The following OTUD7A variants were observed in gnomAD, a reference collection of about 807,000 sequenced individuals.
OTUD7A encodes OTU deubiquitinase 7A, also known as OTU domain-containing protein 7A.
A neutral mutation model predicts 65.7 loss-of-function variants in OTUD7A; 12 were observed. The ratio of observed to expected loss-of-function variants is 0.18; its 90% CI spans 0.12 to 0.30. The LOEUF (loss-of-function observed/expected upper bound fraction) is 0.30, where lower values mean the gene tolerates loss of function less well. OTUD7A is among the 10% of genes least tolerant of loss of function. The probability of loss-of-function intolerance (pLI) is 1.00; values close to 1 mark genes in which losing one functional copy is unlikely to be tolerated. For missense variants in OTUD7A, 1,148 were observed against 1,304.8 expected (o/e 0.88, Z 1.85); for synonymous variants, 641 against 586.3 (o/e 1.09, Z -1.35).
At chr15:31,636,773 C>T (rs1891354488) in intron 3 of OTUD7A, among the ~76,000 whole-genome samples, 1 of 152,108 alleles carries the variant, frequency 6.6e-6, no homozygotes, top group Non-Finnish European at 1.5e-5. Context: ...ATTGCCGATA[C>T]GGAGAAAGTT....
chr15:31,487,598 GC>G lies in OTUD7A; in HGVS notation c.1172-33del. 1.9e-6 allele frequency: 3 copies of G among 1,576,472 alleles called. No homozygotes were observed. The highest frequency in any genetic ancestry group is 2.3e-5 in the South Asian group (2 of 88,106). ...CAGAAGAGACAGAGCCGTGCTTGGAGCCCCGGCAGTCCCCAGGCAGGATGGC... is the reference window on the plus strand; with the variant it reads ...CAGAAGAGACAGAGCCGTGCTTGGAGCCCGGCAGTCCCCAGGCAGGATGGC... On this transcript the variant is annotated intron_variant, in intron 10 of 12. Transcript: ENST00000307050. This position sits in a 1 kb window ranked among gnomAD's most constrained non-coding sequence, Gnocchi z 6.0.
chr15:31,569,916 G>A (rs938393050), intron 4 of OTUD7A, 102 bp downstream of exon 4: 61 of 1,265,792 alleles, frequency 4.8e-5, no homozygotes, highest in Non-Finnish European at 6.2e-5. Context: ...GTCTGCATCC[G>A]GGAGGTGATG....
chr15:31,770,327 G>A (rs958344202), intron 1 of OTUD7A, among the ~76,000 whole-genome samples: 4 of 152,112 alleles, frequency 2.6e-5, no homozygotes, highest in Non-Finnish European at 4.4e-5. Context: ...ATATTAAGTG[G>A]ACAAATTCTT....
intron 3 of OTUD7A, among the ~76,000 whole-genome samples, chr15:31,618,017 G>C (rs1257894475): frequency 1.3e-5 from 2 of 151,364 alleles, no homozygotes; most frequent in East Asian, 3.9e-4. Context: ...CTATGAGTGA[G>C]AACATGCGGT....
At position 31,632,056 on chromosome 15, in the gene OTUD7A, A is replaced by G. The variant is rs113332661; in HGVS notation, c.151+23040T>C. Reference sequence around the variant, plus strand: ...TGAATTTCCTCCTGTATCTCAGAGTAGTTTGATCGTCTGAAGCCTTCTTCT... The same window carrying G: ...TGAATTTCCTCCTGTATCTCAGAGTGGTTTGATCGTCTGAAGCCTTCTTCT... On this transcript the variant is annotated intron_variant, in intron 3 of 12. Transcript: ENST00000307050. 9.1e-3 allele frequency among the ~76,000 whole-genome samples: 1,391 copies of G among 152,058 alleles called. 32 individuals are homozygous for G. Among genetic ancestry groups the G allele is most frequent in the African/African-American group, 0.032 (1,339 of 41,490 alleles).
At chr15:31,532,917 G>A (rs1372731778) in intron 5 of OTUD7A, among the ~76,000 whole-genome samples, 1 of 135,096 alleles carries the variant, frequency 7.4e-6, no homozygotes, top group Non-Finnish European at 1.5e-5. Flanking sequence ...CTGGGTGAAA[G>A]AGCGAGACTC....
chr15:31,548,121 T>C (rs1024488706), intron 5 of OTUD7A, among the ~76,000 whole-genome samples: 2 of 149,366 alleles, frequency 1.3e-5, no homozygotes, highest in Non-Finnish European at 3.0e-5. Flanking sequence ...TGACAGGACT[T>C]GGGGATCAGT....
In OTUD7A at chr15:31,483,632, C is replaced by T; in HGVS notation, c.2464G>A (p.Ala822Thr). 1 of 1,180,084 alleles carries T rather than the reference C, an allele frequency of 8.5e-7. No individual in the cohort carries two copies. The highest frequency in any genetic ancestry group is 1.0e-6 in the Non-Finnish European group (1 of 957,544). 73.1% of individuals were successfully genotyped at this position (1,180,084 alleles called of 1,614,324 possible). A position where few individuals can be genotyped will look rare whatever the true frequency, so the allele number is the denominator to read the frequency against. Residue 822 changes from alanine to threonine, a missense_variant, in exon 13 of 13, where the codon GCC (alanine) becomes ACC (threonine). Coordinates refer to ENST00000307050, the MANE Select transcript of OTUD7A (RefSeq NM_001382637.1). Reference sequence around the variant, plus strand: ...ACCGTGTTGACGGTGCGCAGGGCGGCGGCGCGCGCCGGGCTGTAGCTCTGC... The same window carrying T: ...ACCGTGTTGACGGTGCGCAGGGCGGTGGCGCGCGCCGGGCTGTAGCTCTGC... ...SSQSYSPARA[A>T]ALRTVNTVES...
intron 1 of OTUD7A, among the ~76,000 whole-genome samples, chr15:31,719,068 T>C (rs978522064): frequency 9.2e-5 from 14 of 152,156 alleles, no homozygotes; most frequent in Non-Finnish European, 1.3e-4. Context: ...TTCACATTCA[T>C]GAAAGTTCTG....
chr15:31,661,764 C>T (rs1449323053), intron 1 of OTUD7A, among the ~76,000 whole-genome samples: 2 of 152,154 alleles, frequency 1.3e-5, no homozygotes, highest in Non-Finnish European at 2.9e-5. Context: ...TGCAAATTTC[C>T]AATGATATCA....
chr15:31,697,774 G>A (rs1378699161), intron 1 of OTUD7A, among the ~76,000 whole-genome samples: 2 of 152,202 alleles, frequency 1.3e-5, no homozygotes, highest in Non-Finnish European at 2.9e-5. Context: ...AACCTGCCCA[G>A]GGTCACACAA....
At chr15:31,570,759 G>A (rs1889027021) in intron 3 of OTUD7A, among the ~76,000 whole-genome samples, 1 of 152,148 alleles carries the variant, frequency 6.6e-6, no homozygotes, top group South Asian at 2.1e-4. Flanking sequence ...GGCTGGGCAG[G>A]TGTGCCCAGC....
chr15:31,870,118 G>T (rs911030207), intron 1 of OTUD7A, among the ~76,000 whole-genome samples: 6 of 149,928 alleles, frequency 4.0e-5, no homozygotes, highest in Non-Finnish European at 8.9e-5. Flanking sequence ...GCGCGCGCAC[G>T]GACCGAGGGG....
intron 1 of OTUD7A, among the ~76,000 whole-genome samples, chr15:31,820,635 T>C (rs1345296864): frequency 6.6e-6 from 1 of 152,196 alleles, no homozygotes; most frequent in Non-Finnish European, 1.5e-5. Context: ...GCCCCACCAT[T>C]TTCTGGTAGC....
chr15:31,522,942 C>T (rs2041957742), intron 8 of OTUD7A, among the ~76,000 whole-genome samples: 1 of 152,254 alleles, frequency 6.6e-6, no homozygotes, highest in African/African-American at 2.4e-5. Context: ...TGTCTCCATA[C>T]CAGGGGCTCC....
At chr15:31,740,783 T>C (rs1374726556) in intron 1 of OTUD7A, among the ~76,000 whole-genome samples, 2 of 152,194 alleles carry the variant, frequency 1.3e-5, no homozygotes, top group Non-Finnish European at 2.9e-5. Flanking sequence ...TTCAACTATA[T>C]GCTGTTTATA....
At chr15:31,578,849 C>A (rs1889286139) in intron 3 of OTUD7A, among the ~76,000 whole-genome samples, 1 of 152,174 alleles carries the variant, frequency 6.6e-6, no homozygotes, top group South Asian at 2.1e-4. Context: ...CTGTGCCTGG[C>A]CCCAGTGTAC....
intron 1 of OTUD7A, among the ~76,000 whole-genome samples, chr15:31,861,917 T>C (rs1406017040): frequency 6.6e-6 from 1 of 152,186 alleles, no homozygotes; most frequent in Non-Finnish European, 1.5e-5. Flanking sequence ...TCCTTCACCA[T>C]GGCAGTCAAC....
At chr15:31,609,256 A>G (rs1394668225) in intron 3 of OTUD7A, among the ~76,000 whole-genome samples, 3 of 152,210 alleles carry the variant, frequency 2.0e-5, no homozygotes, top group Non-Finnish European at 4.4e-5. Flanking sequence ...TCTGACGTGT[A>G]GCCTCCACAG....
Sources: allele counts gnomAD v4.1 joint callset (sites outside exome capture counted in the v4.1 genomes callset), GRCh38; gene constraint gnomAD v4.1.1; non-coding constraint Gnocchi (gnomAD v3.1); transcripts MANE v1.5; gene names NCBI Gene and HGNC (gene_info 2026-07-23, HGNC 2026-07-21).